The following CD84 variants were observed in gnomAD, a reference collection of about 807,000 sequenced individuals.
CD84 encodes CD84 molecule.
CD84 carries 22 observed loss-of-function variants against 33.8 expected under a neutral mutation model. The observed-to-expected ratio is 0.65, with a 90% CI of 0.46 to 0.93. The LOEUF is 0.93. Ranked by LOEUF, CD84 falls within the 40% of genes least tolerant of loss-of-function variation. The pLI, the probability that CD84 is intolerant of heterozygous loss-of-function variation, is 0.00. For synonymous variants in CD84, 154 were observed against 145.2 expected (o/e 1.06, Z -0.44); for missense variants, 400 against 397.6 (o/e 1.01, Z -0.05).
intron 5 of CD84, 136 bp downstream of exon 5, chr1:160,550,802 G>GT: frequency 6.6e-7 from 1 of 1,523,992 alleles, no homozygotes; most frequent in Non-Finnish European, 8.7e-7. Context: ...CCCTGACATG[G>GT]TATTTCCTGG....
chr1:160,561,554 T>C (rs983300226), intron 2 of CD84, among the ~76,000 whole-genome samples: 1 of 152,086 alleles, frequency 6.6e-6, no homozygotes, highest in Admixed American at 6.6e-5. Flanking sequence ...CACGCCAATA[T>C]CATACTGAAT....
At chr1:160,568,281 T>C (rs1282254354) in intron 1 of CD84, among the ~76,000 whole-genome samples, 1 of 152,030 alleles carries the variant, frequency 6.6e-6, no homozygotes, top group Non-Finnish European at 1.5e-5. Flanking sequence ...GTTTTAAAAG[T>C]ATGTCTCATC....
intron 2 of CD84, among the ~76,000 whole-genome samples, chr1:160,560,799 AT>A (rs1656901852): frequency 6.6e-6 from 1 of 152,186 alleles, no homozygotes; most frequent in African/African-American, 2.4e-5. Flanking sequence ...ACAATAAAAA[AT>A]GATAAAGGGG....
intron 1 of CD84, among the ~76,000 whole-genome samples, chr1:160,573,928 A>T (rs892749416): frequency 1.3e-5 from 2 of 152,000 alleles, no homozygotes; most frequent in Non-Finnish European, 2.9e-5. Flanking sequence ...TCTATGAAAA[A>T]GAAAATAAAA....
rs548093580 is a variant in CD84, at chr1:160,579,402, G to A, written c.36C>T (p.Cys12=). Residue 12 remains cysteine (C), a synonymous_variant, in exon 1 of 7, where the codon TGC becomes TGT. Coordinates refer to ENST00000368054, the MANE Select transcript of CD84 (RefSeq NM_003874.4). The part of the protein sequence containing the change: ...AQHHLWILLL[C]LQTWPEAAGK... ...AGGGTCAGAACTCACAGGTTTGCAG[G>A]CAAAGGAGCAAGATCCATAGGTGGT... is the stretch of plus-strand genomic sequence containing the variant. The A allele has an allele frequency of 1.2e-6, 2 of 1,613,160 alleles. No individual in the cohort carries two copies. Among genetic ancestry groups the A allele is most frequent in the Non-Finnish European group, 1.7e-6 (2 of 1,179,410 alleles).
chr1:160,551,332 C>T (rs1236860225), intron 4 of CD84: 9 of 341,950 alleles, frequency 2.6e-5, no homozygotes, highest in Admixed American at 9.4e-5. Context: ...CCAGGATCTC[C>T]CTTCATGTTT....
chr1:160,551,355 A>G, intron 4 of CD84: 1 of 303,430 alleles, frequency 3.3e-6, no homozygotes, highest in Non-Finnish European at 6.2e-6. Context: ...GACACTTACC[A>G]CTGACTGTCT....
rs5778166 is a variant in CD84 at position 160,543,631 on chromosome 1, T to TA, written c.*4624_*4625insT. The TA allele has an allele frequency of 6.7e-6, 1 of 148,768 alleles. No individual in the cohort carries two copies. Among genetic ancestry groups the TA allele is most frequent in the Admixed American group, 6.7e-5 (1 of 14,902 alleles). The allele number at this position is 148,768 out of a possible 1,614,324, so 9.2% of individuals were successfully genotyped here. ...TTATTATTATTATTATTATTATTAT[T>TA]TAGGTATATCCCCTGTTCTCTCAGT... On this transcript the variant is annotated 3_prime_UTR_variant, in exon 7 of 7. Transcript: ENST00000368054.
chr1:160,565,371 A>G (rs1404286716), intron 2 of CD84, 33 bp downstream of exon 2: 2 of 1,510,254 alleles, frequency 1.3e-6, no homozygotes, highest in East Asian at 2.3e-5. Flanking sequence ...AAGTAAAAAT[A>G]AAACACAAGC....
In CD84 at chr1:160,565,777, T is replaced by G. The variant is rs772727779; in HGVS notation, c.47-32A>C. 44 of 1,502,058 alleles carry G rather than the reference T, an allele frequency of 2.9e-5. No homozygotes were observed. In the Admixed American group the frequency reaches 5.7e-4, roughly 19 times the overall value. 93.0% of individuals were successfully genotyped at this position (1,502,058 alleles called of 1,614,324 possible). ...ACATAAAAAGAAAACTGTAGCCATC[T>G]GACTGTTGCAGCTTTTTCACTTCCT... On this transcript the variant is annotated intron_variant, in intron 1 of 6. Transcript: ENST00000368054.
At chr1:160,549,312 G>A (rs1478996644) in intron 6 of CD84, among the ~76,000 whole-genome samples, 1 of 152,146 alleles carries the variant, frequency 6.6e-6, no homozygotes, top group African/African-American at 2.4e-5. Flanking sequence ...CCCTAAAGCT[G>A]TCCTGATTGT....
intron 1 of CD84, among the ~76,000 whole-genome samples, chr1:160,576,996 T>C (rs754596407): frequency 2.0e-5 from 3 of 152,094 alleles, no homozygotes; most frequent in Non-Finnish European, 4.4e-5. Context: ...TTAAAACTGG[T>C]GGACTCCTTC....
At chr1:160,550,645 C>G in intron 5 of CD84, 2 of 985,296 alleles carry the variant, frequency 2.0e-6, no homozygotes, top group South Asian at 9.4e-5. Flanking sequence ...TGTGGCCCCT[C>G]TAGGGGGCGC....
At chr1:160,548,399 G>A in intron 6 of CD84, 78 bp from the exon 7 acceptor site, 7 of 1,491,476 alleles carry the variant, frequency 4.7e-6, no homozygotes, top group Non-Finnish European at 5.6e-6. Flanking sequence ...GTTCCCAGAG[G>A]AGTTAAGCAA....
chr1:160,554,626 T>C (rs1459802271), intron 2 of CD84, among the ~76,000 whole-genome samples: 2 of 152,250 alleles, frequency 1.3e-5, no homozygotes, highest in Non-Finnish European at 2.9e-5. Context: ...AGTATTCTTC[T>C]GGTATTTGGA....
intron 5 of CD84, 111 bp downstream of exon 5, chr1:160,550,827 C>G: frequency 6.4e-6 from 10 of 1,566,732 alleles, no homozygotes; most frequent in Non-Finnish European, 8.6e-6. Flanking sequence ...AACCTCTGGA[C>G]TCTTGGCCGT....
At chr1:160,548,457 G>A in intron 6 of CD84, 136 bp from the exon 7 acceptor site, 2 of 825,676 alleles carry the variant, frequency 2.4e-6, no homozygotes. Flanking sequence ...GGGAAATCTG[G>A]GGTAGCAGGG....
chr1:160,561,319 G>A (rs1318115135), intron 2 of CD84, among the ~76,000 whole-genome samples: 4 of 152,094 alleles, frequency 2.6e-5, no homozygotes, highest in African/African-American at 7.2e-5. Context: ...TATCCACCAC[G>A]ACCAAGCTGG....
Position 160,568,876 on chromosome 1 carries a change from C to T in CD84, c.47-3131G>A, listed in dbSNP as rs533015510. Among the ~76,000 whole-genome samples the T allele has an allele frequency of 1.6e-4, 25 of 152,302 alleles. No individual in the cohort carries two copies. In the South Asian group the frequency reaches 5.2e-3, roughly 32 times the overall value. On this transcript the variant is annotated intron_variant, in intron 1 of 6. Transcript: ENST00000368054. ...CCTCAAATGCTCTGCCCGCCTCAGC[C>T]TCCCAAAATGCTGGGATTACAGGTC...
Sources: allele counts gnomAD v4.1 joint callset (sites outside exome capture counted in the v4.1 genomes callset), GRCh38; gene constraint gnomAD v4.1.1; transcripts MANE v1.5; gene names NCBI Gene and HGNC (gene_info 2026-07-23, HGNC 2026-07-21).